MCM3AP: variants seen among roughly 807,000 people sequenced by gnomAD.
MCM3AP encodes germinal-center associated nuclear protein.
Under a neutral mutation model 184.1 loss-of-function variants are expected in MCM3AP, and 126 were observed. The ratio of observed to expected loss-of-function variants is 0.68; its 90% CI spans 0.59 to 0.79. The LOEUF (loss-of-function observed/expected upper bound fraction) is 0.79, where lower values mean the gene tolerates loss of function less well. MCM3AP is among the 30% of genes least tolerant of loss of function. MCM3AP has a pLI of 0.00. For synonymous variants in MCM3AP, 1,002 were observed against 979.3 expected (o/e 1.02, Z -0.43); for missense variants, 2,496 against 2,479.2 (o/e 1.01, Z -0.14).
At chr21:46,248,171 A>G (rs1016698131) in intron 20 of MCM3AP, among the ~76,000 whole-genome samples, 2 of 152,150 alleles carry the variant, frequency 1.3e-5, no homozygotes. Flanking sequence ...AGACACCAGG[A>G]GCCAAAGGTG....
Position 46,266,114 on chromosome 21 carries a change from T to C in MCM3AP, c.2842A>G (p.Thr948Ala). ...CTAGTAATAAACACCGACTTCCTGG[T>C]CTTGGATAATCCCTCTGGTTCCAGG... Reference protein sequence around the residue: ...AFLEPEGLSKTRKSVFITRKL... With the variant: ...AFLEPEGLSKARKSVFITRKL... Residue 948 changes from threonine to alanine, a missense_variant, in exon 11 of 28, where the codon ACC (threonine) becomes GCC (alanine). Thr to Ala is a moderately conservative substitution (Grantham distance 58). This residue lies in a region of MCM3AP where 138 missense variants were observed against 191.9 expected (regional missense o/e 0.72). Transcript: ENST00000291688. The C allele has an allele frequency of 6.2e-7, 1 of 1,612,124 alleles. No individual in the cohort carries two copies. The highest frequency in any genetic ancestry group is 8.5e-7 in the Non-Finnish European group (1 of 1,179,210).
In MCM3AP at chr21:46,243,503, A is replaced by C. The variant is rs1423136061; in HGVS notation, c.5258T>G (p.Leu1753Arg). 1 of 1,613,730 alleles carries C rather than the reference A, an allele frequency of 6.2e-7. No individual in the cohort carries two copies. Among genetic ancestry groups the C allele is most frequent in the African/African-American group, 1.3e-5 (1 of 75,050 alleles). The change falls in exon 24 of 28, where the codon CTG becomes CGG. Residue 1753 changes from leucine (L) to arginine (R), a missense_variant. This residue lies in a region of MCM3AP where 1,323 missense variants were observed against 1,273.4 expected (regional missense o/e 1.04). Transcript: ENST00000291688. The stretch of plus-strand genomic sequence containing the variant: ...AAGCCGGGGGGGCGTCCAGTCTCTC[A>C]GCTTGTGGTTGATACACAAGGCGAT... Reference protein sequence around the residue: ...DLIALCINHKLRDWTPPRLPV... With the variant: ...DLIALCINHKRRDWTPPRLPV...
chr21:46,240,824 C>T lies in MCM3AP; in HGVS notation c.5620G>A (p.Glu1874Lys), dbSNP rs751504956. The change falls in exon 26 of 28, where the codon GAA becomes AAA. Residue 1874 changes from glutamate to lysine, a missense_variant. Around this residue, in one of 5 missense-constraint regions of MCM3AP, gnomAD observed 1,323 missense variants for 1,273.4 expected, o/e 1.04. Coordinates refer to ENST00000291688, the MANE Select transcript of MCM3AP (RefSeq NM_003906.5). ...CLSSSLLLEK[E>K]ENKRFEDQLQ... ...AGTGGGCTTCACCTCTTGTTCTCTT[C>T]TTTCTCCAGCAGCAGACTGCTCGAC... 9 of 1,614,110 alleles carry T rather than the reference C, an allele frequency of 5.6e-6. No individual in the cohort carries two copies. In the South Asian group the frequency reaches 9.9e-5, roughly 18 times the overall value.
intron 5 of MCM3AP, among the ~76,000 whole-genome samples, chr21:46,276,103 T>G (rs1439334867): frequency 2.6e-5 from 4 of 151,814 alleles, no homozygotes; most frequent in African/African-American, 9.7e-5. Context: ...AATACAAAAA[T>G]TAGCCGGGCG....
In MCM3AP at chr21:46,235,384, C is replaced by G. The variant is rs562593941; in HGVS notation, c.5827G>C (p.Gly1943Arg). The change falls in exon 28 of 28, where the codon GGA becomes CGA. Residue 1943 changes from glycine to arginine, a missense_variant. Gly to Arg is a moderately radical substitution (Grantham distance 125). Transcript: ENST00000291688. ...REQLQLSEAT[G>R]TCLGERLKHL... ...TTTAGTCGTTCGCCTAGACACGTTC[C>G]TGTCGCCTCTGACAGCTGCAGTTGC... 2.1e-5 allele frequency: 34 copies of G among 1,614,028 alleles called. No individual in the cohort carries two copies. The East Asian group carries it at 6.5e-4, about 31-fold the overall frequency.
chr21:46,251,283 A>G, intron 20 of MCM3AP: 1 of 336,300 alleles, frequency 3.0e-6, no homozygotes, highest in Non-Finnish European at 5.4e-6. Context: ...TAGGAAATCC[A>G]ATATATAGTA....
chr21:46,265,790 G>A, intron 11 of MCM3AP, 135 bp downstream of exon 11: 1 of 1,142,944 alleles, frequency 8.7e-7, no homozygotes, highest in East Asian at 2.4e-5. Context: ...CCACACCCCT[G>A]GGCCCCAAGA....
rs747537048 is a variant in MCM3AP, at chr21:46,280,500, T to A, written c.1519A>T (p.Ile507Leu). 3.1e-6 allele frequency: 5 copies of A among 1,605,102 alleles called. No individual in the cohort carries two copies. The change falls in exon 3 of 28, where the codon ATA becomes TTA. Residue 507 changes from isoleucine (I) to leucine (L), a missense_variant. Physicochemically the swap from Ile to Leu is conservative, Grantham distance 5. Around this residue, in one of 5 missense-constraint regions of MCM3AP, gnomAD observed 800 missense variants for 717.1 expected, o/e 1.12. Transcript: ENST00000291688. ...DMAIFWHRKKISPNKKPFSLK... is the reference protein window; with the variant it reads ...DMAIFWHRKKLSPNKKPFSLK... ...AAAAGAATAATTGAAAACTCACTTA[T>A]TTTCTTCCTGTGCCAAAAGATAGCC...
At chr21:46,264,364 G>A (rs903691482) in intron 12 of MCM3AP, 147 bp from the exon 13 acceptor site, 9 of 602,688 alleles carry the variant, frequency 1.5e-5, no homozygotes, top group Non-Finnish European at 2.7e-5. Context: ...TGCAGGAAAG[G>A]TGTCCCCTAG....
At position 46,243,557 on chromosome 21, in the gene MCM3AP, G is replaced by T; in HGVS notation, c.5204C>A (p.Ser1735Ter). 6.2e-7 allele frequency: 1 copy of T among 1,614,180 alleles called. No homozygotes were observed. The highest frequency in any genetic ancestry group is 8.5e-7 in the Non-Finnish European group (1 of 1,180,034). The change falls in exon 24 of 28, where the codon TCG (serine) becomes TAG (stop). Residue 1735 changes from serine to a stop codon, truncating the protein, a stop_gained. Coordinates refer to ENST00000291688, the MANE Select transcript of MCM3AP (RefSeq NM_003906.5). LOFTEE classifies it high-confidence loss of function. ...ATCATCCCATGGGATCTCCATGACCGAGGGGCCTGCCCCATGGACTGGGGA... is the reference window on the plus strand; with the variant it reads ...ATCATCCCATGGGATCTCCATGACCTAGGGGCCTGCCCCATGGACTGGGGA... ...SPSPVHGAGP[S>*]VMEIPWDDLI...
At chr21:46,263,606 G>A (rs1035913320) in intron 13 of MCM3AP, among the ~76,000 whole-genome samples, 6 of 151,184 alleles carry the variant, frequency 4.0e-5, no homozygotes, top group East Asian at 3.9e-4. Context: ...ACAACATGGC[G>A]AAAAGCATCT....
At chr21:46,275,418 C>T (rs1194261932) in intron 5 of MCM3AP, 93 bp from the exon 6 acceptor site, 2 of 1,062,724 alleles carry the variant, frequency 1.9e-6, no homozygotes, top group Non-Finnish European at 2.7e-6. Flanking sequence ...GAAATTAAAA[C>T]TTAAAACACA....
In MCM3AP at chr21:46,254,830, C is replaced by T; in HGVS notation, c.3947G>A (p.Arg1316Lys). Residue 1316 changes from arginine to lysine, a missense_variant, in exon 18 of 28, where the codon AGA (arginine) becomes AAA (lysine). Arg to Lys is a conservative substitution (Grantham distance 26). Around this residue, in one of 5 missense-constraint regions of MCM3AP, gnomAD observed 1,323 missense variants for 1,273.4 expected, o/e 1.04. Coordinates refer to ENST00000291688, the MANE Select transcript of MCM3AP (RefSeq NM_003906.5). ...CTTCATCTGGTGAGCTGTCTTGTTTCTGAGCCGCCTTAACCTGCAAAGGAA... is the reference window on the plus strand; with the variant it reads ...CTTCATCTGGTGAGCTGTCTTGTTTTTGAGCCGCCTTAACCTGCAAAGGAA... ...GISCTRLRRLRNKTAHQMKVQ... is the reference protein window; with the variant it reads ...GISCTRLRRLKNKTAHQMKVQ... The T allele has an allele frequency of 1.9e-6, 3 of 1,614,100 alleles. No individual in the cohort carries two copies. Among genetic ancestry groups the T allele is most frequent in the Non-Finnish European group, 2.5e-6 (3 of 1,179,970 alleles).
intron 5 of MCM3AP, among the ~76,000 whole-genome samples, chr21:46,277,002 C>T (rs566403428): frequency 3.3e-5 from 5 of 152,278 alleles, no homozygotes; most frequent in South Asian, 4.1e-4. Context: ...CCTCATGCCT[C>T]AGCCTCCCAA....
At chr21:46,282,127 A>AC (rs935199767) in intron 2 of MCM3AP, among the ~76,000 whole-genome samples, 5 of 152,126 alleles carry the variant, frequency 3.3e-5, no homozygotes, top group African/African-American at 1.2e-4. Context: ...ACACAGTAAG[A>AC]CCCCATCTAT....
chr21:46,265,481 G>C lies in MCM3AP; in HGVS notation c.3074C>G (p.Pro1025Arg). The C allele has an allele frequency of 6.2e-7, 1 of 1,606,734 alleles. No homozygotes were observed. Among genetic ancestry groups the C allele is most frequent in the Non-Finnish European group, 8.5e-7 (1 of 1,176,352 alleles). Reference protein sequence around the residue: ...GEECGVEPDAPLSSLPQSLPA... With the variant: ...GEECGVEPDARLSSLPQSLPA... The stretch of plus-strand genomic sequence containing the variant: ...TAGAGACTGTGGGAGACTGGACAGG[G>C]GTGCATCCGGCTCTACACCACACTC... The change falls in exon 12 of 28, where the codon CCC becomes CGC. Residue 1025 changes from proline to arginine, a missense_variant. Transcript: ENST00000291688.
intron 2 of MCM3AP, among the ~76,000 whole-genome samples, chr21:46,282,369 A>G (rs150430947): frequency 2.4e-4 from 36 of 152,348 alleles, no homozygotes; most frequent in Non-Finnish European, 4.1e-4. Context: ...CACTCAATGT[A>G]GTATCATTCA....
chr21:46,262,818 T>C (rs1245591935), intron 13 of MCM3AP, among the ~76,000 whole-genome samples: 1 of 147,564 alleles, frequency 6.8e-6, no homozygotes, highest in Admixed American at 6.8e-5. Flanking sequence ...ATACAAAAAA[T>C]TAGCCGGGCG....
Position 46,242,917 on chromosome 21 carries a change from C to CT in MCM3AP, c.5310dup (p.Asp1771ArgfsTer10). 1 of 1,609,422 alleles carries CT rather than the reference C, an allele frequency of 6.2e-7. No individual in the cohort carries two copies. Among genetic ancestry groups the CT allele is most frequent in the Non-Finnish European group, 8.5e-7 (1 of 1,178,030 alleles). On this transcript the variant is annotated frameshift_variant, in exon 25 of 28. Coordinates refer to ENST00000291688, the MANE Select transcript of MCM3AP (RefSeq NM_003906.5). LOFTEE classifies it high-confidence loss of function. ...AAAAAATACACACATATCTGACCAT[C>CT]TTCACTCAGCGCCTCTGAGAAAACA...
Sources: allele counts gnomAD v4.1 joint callset (sites outside exome capture counted in the v4.1 genomes callset), GRCh38; gene constraint gnomAD v4.1.1; regional missense constraint gnomAD v4.1.1; transcripts MANE v1.5; gene names NCBI Gene and HGNC (gene_info 2026-07-23, HGNC 2026-07-21).